DENND2C: variants seen among roughly 807,000 people sequenced by gnomAD.
DENND2C encodes DENN domain-containing protein 2C.
A neutral mutation model predicts 112.4 loss-of-function variants in DENND2C; 72 were observed. That is an observed-to-expected ratio of 0.64 (90% CI 0.53 to 0.78). DENND2C has a LOEUF of 0.78. Among genes scored for constraint, DENND2C ranks in the 30% least tolerant of loss-of-function variants. The probability of loss-of-function intolerance (pLI) is 0.00; values close to 1 mark genes in which losing one functional copy is unlikely to be tolerated. For synonymous variants in DENND2C, 329 were observed against 381.6 expected, an observed-to-expected ratio of 0.86 and a Z score of 1.61; for missense variants, 992 against 1,113.8, an observed-to-expected ratio of 0.89 and a Z score of 1.56.
intron 18 of DENND2C, among the ~76,000 whole-genome samples, chr1:114,590,973 A>AT (rs1057249311): frequency 1.6e-4 from 23 of 147,104 alleles, no homozygotes; most frequent in South Asian, 4.3e-4. Flanking sequence ...GTCAGACTTA[A>AT]TTTTTTTTTT....
intron 18 of DENND2C, among the ~76,000 whole-genome samples, chr1:114,588,846 C>G (rs551605106): frequency 5.3e-5 from 8 of 152,268 alleles, no homozygotes; most frequent in African/African-American, 1.9e-4. Context: ...TCTCCCACCT[C>G]AGCATTCCAA....
intron 9 of DENND2C, among the ~76,000 whole-genome samples, chr1:114,609,376 G>A (rs1305392403): frequency 7.2e-5 from 11 of 152,140 alleles, no homozygotes; most frequent in Non-Finnish European, 1.6e-4. Flanking sequence ...TCACATTGAA[G>A]AAACTGTCCA....
At chr1:114,643,822 A>C (rs1251119472) in intron 3 of DENND2C, among the ~76,000 whole-genome samples, 4 of 134,094 alleles carry the variant, frequency 3.0e-5, no homozygotes. Context: ...GTTTTTTAAA[A>C]TGAAAGAATG....
intron 8 of DENND2C, among the ~76,000 whole-genome samples, chr1:114,612,356 TTTTTTTTTTTTTTGAGACA>T (rs1655843596): frequency 6.6e-6 from 1 of 150,926 alleles, no homozygotes; most frequent in Non-Finnish European, 1.5e-5. Flanking sequence ...TATAAATTTT[TTTTTTTTTTTTTTGAGACA>T]GGGTCTCACT....
intron 3 of DENND2C, among the ~76,000 whole-genome samples, chr1:114,634,386 T>G (rs967043039): frequency 6.6e-6 from 1 of 152,100 alleles, no homozygotes; most frequent in African/African-American, 2.4e-5. Flanking sequence ...CAGGCTGGAG[T>G]GCACTGGCAC....
intron 1 of DENND2C, among the ~76,000 whole-genome samples, chr1:114,666,350 T>A (rs973516963): frequency 6.6e-6 from 1 of 152,226 alleles, no homozygotes; most frequent in African/African-American, 2.4e-5. Flanking sequence ...ATATCTAAAA[T>A]CCTTCACTGG....
chr1:114,660,451 C>CAAAA (rs1657461736), intron 1 of DENND2C, among the ~76,000 whole-genome samples: 1 of 152,130 alleles, frequency 6.6e-6, no homozygotes, highest in Admixed American at 6.5e-5. Flanking sequence ...AGCTTTCCTG[C>CAAAA]TGCCCTGGAC....
At chr1:114,661,104 C>CT (rs1390187112) in intron 1 of DENND2C, among the ~76,000 whole-genome samples, 1,234 of 76,446 alleles carry the variant, frequency 0.016, 10 homozygotes, top group South Asian at 0.023. Context: ...GAGACTCCGT[C>CT]TCAAAAAAAA....
intron 3 of DENND2C, among the ~76,000 whole-genome samples, chr1:114,629,639 C>T (rs1432302820): frequency 2.0e-5 from 3 of 152,084 alleles, no homozygotes; most frequent in Non-Finnish European, 2.9e-5. Context: ...TAATCATGTC[C>T]CTTTCTTTTT....
At chr1:114,656,682 C>T (rs935418082) in intron 1 of DENND2C, among the ~76,000 whole-genome samples, 6 of 151,900 alleles carry the variant, frequency 3.9e-5, no homozygotes, top group South Asian at 2.1e-4. Context: ...AGGCATGAGC[C>T]GCCGCACCCG....
At chr1:114,589,171 G>T (rs892133896) in intron 18 of DENND2C, among the ~76,000 whole-genome samples, 1 of 152,092 alleles carries the variant, frequency 6.6e-6, no homozygotes, top group Non-Finnish European at 1.5e-5. Flanking sequence ...TCAAACTTCA[G>T]ATTCGACTTA....
rs1654977539 is a variant in DENND2C, at chr1:114,584,115, A to G, written c.*1485T>C. 6.6e-6 allele frequency: 1 copy of G among 152,188 alleles called. No individual in the cohort carries two copies. Among genetic ancestry groups the G allele is most frequent in the Non-Finnish European group, 1.5e-5 (1 of 68,044 alleles). 9.4% of individuals were successfully genotyped at this position (152,188 alleles called of 1,614,324 possible). On this transcript the variant is annotated 3_prime_UTR_variant, in exon 21 of 21. Transcript: ENST00000393274. ...CACTTAATAGAAAATTTTTATTAATAAAAGAAATAGCTATATAATCCTACT... is the reference window on the plus strand; with the variant it reads ...CACTTAATAGAAAATTTTTATTAATGAAAGAAATAGCTATATAATCCTACT...
chr1:114,630,947 T>C (rs1339328118), intron 3 of DENND2C, among the ~76,000 whole-genome samples: 1 of 152,192 alleles, frequency 6.6e-6, no homozygotes, highest in Non-Finnish European at 1.5e-5. Flanking sequence ...AGGATGAAAT[T>C]AACCCTAGAG....
intron 2 of DENND2C, among the ~76,000 whole-genome samples, chr1:114,650,049 C>T (rs928418467): frequency 3.9e-5 from 6 of 152,094 alleles, no homozygotes; most frequent in African/African-American, 7.2e-5. Flanking sequence ...TGGCCAGACT[C>T]GGTGGCTCAT....
At chr1:114,617,506 C>T (rs1227471443) in intron 8 of DENND2C, among the ~76,000 whole-genome samples, 1 of 151,970 alleles carries the variant, frequency 6.6e-6, no homozygotes, top group African/African-American at 2.4e-5. Context: ...AGACAGGTTT[C>T]TCTATGTTGG....
At chr1:114,624,967 G>C (rs1656289127) in intron 4 of DENND2C, among the ~76,000 whole-genome samples, 1 of 152,156 alleles carries the variant, frequency 6.6e-6, no homozygotes, top group African/African-American at 2.4e-5. Flanking sequence ...AAGGTGTTCT[G>C]ATGCTCTTAT....
intron 3 of DENND2C, among the ~76,000 whole-genome samples, chr1:114,639,985 G>A (rs1475102675): frequency 6.6e-6 from 1 of 151,382 alleles, no homozygotes; most frequent in African/African-American, 2.4e-5. Flanking sequence ...ATAATATGTG[G>A]GACTACACAA....
chr1:114,607,704 A>T (rs903736126), intron 10 of DENND2C, among the ~76,000 whole-genome samples: 8 of 152,184 alleles, frequency 5.3e-5, no homozygotes, highest in Non-Finnish European at 1.2e-4. Flanking sequence ...AAAAGAATGA[A>T]CAATTTTTTA....
chr1:114,637,112 A>AT (rs1304469363), intron 3 of DENND2C, among the ~76,000 whole-genome samples: 1 of 150,410 alleles, frequency 6.6e-6, no homozygotes, highest in Non-Finnish European at 1.5e-5. Flanking sequence ...ATACAAAAAA[A>AT]AACCTTAGCT....
Sources: gnomAD v4.1 joint callset for allele counts (sites outside exome capture counted in the v4.1 genomes callset) on GRCh38, gnomAD v4.1.1 for gene constraint, MANE v1.5 for transcripts, NCBI Gene and HGNC (gene_info 2026-07-23, HGNC 2026-07-21) for gene names.